MYO15B: variants seen among roughly 807,000 people sequenced by gnomAD.
MYO15B encodes myosin XVB, also known as myosin XVB pseudogene.
A neutral mutation model predicts 119.3 loss-of-function variants in MYO15B; 207 were observed. That is an observed-to-expected ratio of 1.73 (90% CI 1.55 to 1.95). The LOEUF (loss-of-function observed/expected upper bound fraction) is 1.95, where lower values mean the gene tolerates loss of function less well. Among genes scored for constraint, MYO15B ranks in the 30% most tolerant of loss-of-function variants. The pLI is 0.00. For missense variants in MYO15B, 2,264 were observed against 1,203.1 expected (o/e 1.88, Z -13.04); for synonymous variants, 966 against 498.9 (o/e 1.94, Z -12.48).
chr17:75,598,415 A>G (rs1176043226), intron 14 of MYO15B, among the ~76,000 whole-genome samples: 2 of 151,730 alleles, frequency 1.3e-5, no homozygotes, highest in Non-Finnish European at 2.9e-5. Flanking sequence ...GGTCTCTACT[A>G]AAAATACAAA....
chr17:75,615,461 G>A, intron 34 of MYO15B, 42 bp from the exon 35 acceptor site: 1 of 675,004 alleles, frequency 1.5e-6, no homozygotes, highest in Non-Finnish European at 2.7e-6. Context: ...CTTCAAGGCT[G>A]GCCATGGTGC....
rs1023762094 is a variant in MYO15B at position 75,592,460 on chromosome 17, C to G, written c.2748C>G (p.Tyr916Ter). 7 of 613,526 alleles carry G rather than the reference C, an allele frequency of 1.1e-5. No homozygotes were observed. The allele number at this position is 613,526 out of a possible 1,614,324, so 38.0% of individuals were successfully genotyped here. A position where few individuals can be genotyped will look rare whatever the true frequency, so the allele number is the denominator to read the frequency against. ...CTGAGCGGAGCTTCCATGTTTTTTACAAGCTGCTGGCAGGGCTGGACTCCA... is the reference window on the plus strand; with the variant it reads ...CTGAGCGGAGCTTCCATGTTTTTTAGAAGCTGCTGGCAGGGCTGGACTCCA... The change falls in exon 8 of 64, where the codon TAC (tyrosine) becomes TAG (stop). Residue 916 changes from tyrosine (Y) to a stop codon, truncating the protein, a stop_gained. Coordinates refer to ENST00000645453, the Ensembl canonical transcript of MYO15B. LOFTEE classifies it high-confidence loss of function.
intron 52 of MYO15B, 166 bp downstream of exon 52, chr17:75,621,736 C>A: frequency 1.7e-6 from 1 of 604,410 alleles, no homozygotes; most frequent in Non-Finnish European, 3.0e-6. Flanking sequence ...CTTCTACTCC[C>A]ACTCAAGGGT....
rs952083472 is a variant in MYO15B, at chr17:75,621,425, G to C, written c.7935+17G>C. On this transcript the variant is annotated intron_variant, in intron 51 of 63. Coordinates refer to ENST00000645453, the Ensembl canonical transcript of MYO15B. ...TACACCAAGGTGGGAGAGAGGCAGG[G>C]AGGGGTCTGGCCCGTAGATCTGCCC... 1.4e-6 allele frequency: 1 copy of C among 699,746 alleles called. No individual in the cohort carries two copies. The highest frequency in any genetic ancestry group is 1.5e-5 in the South Asian group (1 of 67,522). The allele number at this position is 699,746 out of a possible 1,614,324, so 43.3% of individuals were successfully genotyped here. A position where few individuals can be genotyped will look rare whatever the true frequency, so the allele number is the denominator to read the frequency against.
At chr17:75,623,589 T>C (rs962843323) in intron 53 of MYO15B, among the ~76,000 whole-genome samples, 192 bp from the exon 54 acceptor site, 1 of 152,230 alleles carries the variant, frequency 6.6e-6, no homozygotes, top group African/African-American at 2.4e-5. Flanking sequence ...GCCATTGCAT[T>C]CCAGCCTGTG....
Position 75,621,148 on chromosome 17 carries a change from C to T in MYO15B, c.7843C>T (p.Arg2615Trp), listed in dbSNP as rs150674957. 509 of 700,200 alleles carry T rather than the reference C, an allele frequency of 7.3e-4. 1 individual carries two copies. The highest frequency in any genetic ancestry group is 7.2e-3 in the African/African-American group (411 of 57,358). 43.4% of individuals were successfully genotyped at this position (700,200 alleles called of 1,614,324 possible). A position where few individuals can be genotyped will look rare whatever the true frequency, so the allele number is the denominator to read the frequency against. Reference sequence around the variant, plus strand: ...CAGCTACACCATGCAGGAATTCGCCCGGCGTTACTTCCGGAGGTCCCAGGC... The same window carrying T: ...CAGCTACACCATGCAGGAATTCGCCTGGCGTTACTTCCGGAGGTCCCAGGC... The change falls in exon 50 of 64, where the codon CGG (arginine) becomes TGG (tryptophan). Residue 2615 changes from arginine (R) to tryptophan (W), a missense_variant. Physicochemically the swap from Arg to Trp is moderately radical, Grantham distance 101 (BLOSUM62 -3). Coordinates refer to ENST00000645453, the Ensembl canonical transcript of MYO15B.
intron 53 of MYO15B, among the ~76,000 whole-genome samples, chr17:75,622,960 A>C (rs918347778): frequency 3.3e-5 from 5 of 152,184 alleles, no homozygotes; most frequent in Non-Finnish European, 5.9e-5. Flanking sequence ...AGAAGGGCAG[A>C]CAGAGAGAGG....
intron 1 of MYO15B, 113 bp downstream of exon 1, chr17:75,590,356 G>A (rs1424955017): frequency 1.0e-5 from 4 of 398,364 alleles, no homozygotes; most frequent in Non-Finnish European, 8.9e-6. Flanking sequence ...TAGAAGGATG[G>A]GCTTGAACCC....
At position 75,624,647 on chromosome 17, in the gene MYO15B, T is replaced by TGGGGACGGAGCCTCAC. The variant is rs2148161931; in HGVS notation, c.8542+11_8542+26dup. 1.4e-6 allele frequency: 1 copy of TGGGGACGGAGCCTCAC among 702,468 alleles called. No homozygotes were observed. Among genetic ancestry groups the TGGGGACGGAGCCTCAC allele is most frequent in the South Asian group, 1.5e-5 (1 of 67,562 alleles). 43.5% of individuals were successfully genotyped at this position (702,468 alleles called of 1,614,324 possible). ...TCCTCATCAAAGAGAAGAGTAAGCT[T>TGGGGACGGAGCCTCAC]GGGGACGGAGCCTCACGGTGGGGCC... is the stretch of plus-strand genomic sequence containing the variant. On this transcript the variant is annotated intron_variant, in intron 58 of 63. Transcript: ENST00000645453.
intron 21 of MYO15B, chr17:75,607,147 C>G (rs1293390346): frequency 7.7e-6 from 3 of 390,750 alleles, no homozygotes; most frequent in Non-Finnish European, 1.4e-5. Context: ...ATCGGGGGAG[C>G]CAGGCATCTC....
intron 41 of MYO15B, 115 bp downstream of exon 41, chr17:75,617,419 C>T (rs377100608): frequency 2.6e-5 from 15 of 566,792 alleles, no homozygotes; most frequent in East Asian, 1.8e-4. Flanking sequence ...GCCAGCTGTT[C>T]GGGCTTCTGG....
At chr17:75,607,652 T>G (rs1670991) in intron 21 of MYO15B, among the ~76,000 whole-genome samples, 15,606 of 151,444 alleles carry the variant, frequency 0.1, 1,933 homozygotes, top group African/African-American at 0.3. Flanking sequence ...AGAGACGGGG[T>G]TTCACCATGT....
chr17:75,592,159 C>G (rs1320123924), intron 6 of MYO15B, 79 bp downstream of exon 6: 6 of 701,212 alleles, frequency 8.6e-6, no homozygotes, highest in Non-Finnish European at 1.6e-5. Context: ...GGGGTCCAGA[C>G]CCTGGTAGGG....
At chr17:75,593,675 A>G (rs2056637741) in intron 9 of MYO15B, among the ~76,000 whole-genome samples, 3 of 150,136 alleles carry the variant, frequency 2.0e-5, no homozygotes, top group African/African-American at 4.9e-5. Flanking sequence ...ATCCCAGCAC[A>G]CTGGGAGGCC....
At chr17:75,625,069 A>G (rs1182149510) in intron 59 of MYO15B, 54 bp from the exon 60 acceptor site, 3 of 662,788 alleles carry the variant, frequency 4.5e-6, no homozygotes, top group African/African-American at 3.5e-5. Flanking sequence ...AGAGCCACCA[A>G]CTGATGGGGG....
At chr17:75,616,701 C>T in exon 39 of MYO15B, 1 of 703,024 alleles carries the variant, frequency 1.4e-6, no homozygotes, top group Non-Finnish European at 2.6e-6. Flanking sequence ...CCCAAGCGGC[C>T]ACAACCCAGC....
At position 75,626,241 on chromosome 17, in the gene MYO15B, G is replaced by T. The variant is rs2059051971; in HGVS notation, c.9213+13G>T. ...TGAGCTGCCACAGGTGAGTGGCCAGGCCTCTGGCCACCTTGCGAAGGTGGA... is the reference window on the plus strand; with the variant it reads ...TGAGCTGCCACAGGTGAGTGGCCAGTCCTCTGGCCACCTTGCGAAGGTGGA... On this transcript the variant is annotated intron_variant, in intron 63 of 63. Transcript: ENST00000645453. 1.4e-6 allele frequency: 1 copy of T among 702,200 alleles called. No homozygotes were observed. Among genetic ancestry groups the T allele is most frequent in the Admixed American group, 2.0e-5 (1 of 49,798 alleles). 43.5% of individuals were successfully genotyped at this position (702,200 alleles called of 1,614,324 possible).
intron 21 of MYO15B, among the ~76,000 whole-genome samples, chr17:75,609,623 T>C (rs376752124): frequency 3.3e-5 from 5 of 150,844 alleles, no homozygotes; most frequent in African/African-American, 1.2e-4. Flanking sequence ...TCGTTCTCCT[T>C]CCTCCCTTCC....
chr17:75,594,735 C>G, exon 11 of MYO15B: 1 of 703,094 alleles, frequency 1.4e-6, no homozygotes, highest in Non-Finnish European at 2.6e-6. Context: ...CGATCCCTGC[C>G]CGTGGAAAGT....
Sources: gnomAD v4.1 joint callset for allele counts (sites outside exome capture counted in the v4.1 genomes callset) on GRCh38, gnomAD v4.1.1 for gene constraint, MANE v1.5 for transcripts, NCBI Gene and HGNC (gene_info 2026-07-23, HGNC 2026-07-21) for gene names.